The following ATP11C variants were observed in gnomAD, a reference collection of about 807,000 sequenced individuals.
ATP11C encodes phospholipid-transporting ATPase IG.
Under a neutral mutation model 97.4 loss-of-function variants are expected in ATP11C, and 36 were observed. That is an observed-to-expected ratio of 0.37 (90% CI 0.28 to 0.49). The LOEUF is 0.49. Among genes scored for constraint, ATP11C ranks in the 20% least tolerant of loss-of-function variants. The pLI is 0.98. For missense variants in ATP11C, 730 were observed against 824.6 expected, an observed-to-expected ratio of 0.89 and a Z score of 1.40; for synonymous variants, 275 against 290.9, an observed-to-expected ratio of 0.95 and a Z score of 0.56.
At chrX:139,742,872 AAAAAATATATAT>A (rs1185971792) in intron 26 of ATP11C, among the ~76,000 whole-genome samples, 2 of 24,214 alleles carry the variant, frequency 8.3e-5, no homozygotes, top group Admixed American at 1.2e-3. Flanking sequence ...ATTAAAAAAA[AAAAAATATATAT>A]ATATATATAT....
intron 11 of ATP11C, 71 bp downstream of exon 11, chrX:139,797,105 T>C (rs2082817920): frequency 6.7e-6 from 7 of 1,040,134 alleles, no homozygotes; most frequent in Non-Finnish European, 9.1e-6. Context: ...GCCGTTTCCC[T>C]GAGCAGCATT....
chrX:139,761,054 G>A (rs138746840), intron 22 of ATP11C, among the ~76,000 whole-genome samples: 1,764 of 110,741 alleles, frequency 0.016, 32 homozygotes, highest in African/African-American at 0.054. Flanking sequence ...GAGGCTGAGG[G>A]GGGCAGATCA....
chrX:139,746,195 A>G (rs2081682558), intron 24 of ATP11C, among the ~76,000 whole-genome samples: 2 of 111,990 alleles, frequency 1.8e-5, no homozygotes, highest in Admixed American at 1.9e-4. Context: ...ACATAAAAAC[A>G]TGAGATAGGT....
chrX:139,774,271 T>C (rs1342348448), intron 19 of ATP11C, among the ~76,000 whole-genome samples: 1 of 111,956 alleles, frequency 8.9e-6, no homozygotes, highest in Non-Finnish European at 1.9e-5. Flanking sequence ...TTTGGAGCTC[T>C]GGGGTATAAA....
chrX:139,860,879 C>G (rs2084179058), intron 1 of ATP11C, among the ~76,000 whole-genome samples: 1 of 112,277 alleles, frequency 8.9e-6, no homozygotes, highest in South Asian at 3.7e-4. Flanking sequence ...AACCTTGAAA[C>G]CATCACTGGT....
At chrX:139,800,024 C>A (rs747267141) in intron 8 of ATP11C, 36 bp downstream of exon 8, 7 of 529,098 alleles carry the variant, frequency 1.3e-5, no homozygotes, top group East Asian at 6.2e-5. Context: ...CCCCCCCCCC[C>A]AACCAAAGGA....
chrX:139,879,308 A>G (rs2084525930), intron 1 of ATP11C, among the ~76,000 whole-genome samples: 1 of 110,964 alleles, frequency 9.0e-6, no homozygotes, highest in South Asian at 3.8e-4. Flanking sequence ...AAAATGTGGT[A>G]TATATTACAC....
intron 12 of ATP11C, among the ~76,000 whole-genome samples, chrX:139,793,152 A>G (rs941500598): frequency 8.9e-6 from 1 of 112,001 alleles, no homozygotes; most frequent in Non-Finnish European, 1.9e-5. Context: ...ATTTGGACAC[A>G]GAAGTCTCTG....
At chrX:139,907,810 A>C (rs1048199493) in intron 1 of ATP11C, among the ~76,000 whole-genome samples, 15 of 110,392 alleles carry the variant, frequency 1.4e-4, no homozygotes, top group Admixed American at 6.8e-4. Context: ...TACACGCCAG[A>C]GAACCAAACG....
intron 1 of ATP11C, among the ~76,000 whole-genome samples, chrX:139,928,470 C>CCTT (rs1443072463): frequency 9.0e-6 from 1 of 111,250 alleles, no homozygotes; most frequent in Non-Finnish European, 1.9e-5. Context: ...AAACTAAAAA[C>CCTT]CTTCTTGCTC....
intron 26 of ATP11C, among the ~76,000 whole-genome samples, chrX:139,742,461 G>C (rs1277496977): frequency 9.0e-6 from 1 of 111,387 alleles, no homozygotes; most frequent in African/African-American, 3.3e-5. Flanking sequence ...GCTCTATCTG[G>C]TATAAGAAAT....
At chrX:139,856,669 C>A (rs1041285962) in intron 1 of ATP11C, among the ~76,000 whole-genome samples, 7 of 112,099 alleles carry the variant, frequency 6.2e-5, no homozygotes, top group African/African-American at 2.3e-4. Flanking sequence ...CGGGGAATAC[C>A]AGATCAATTT....
At chrX:139,915,869 T>C (rs1398761310) in intron 1 of ATP11C, among the ~76,000 whole-genome samples, 5 of 111,482 alleles carry the variant, frequency 4.5e-5, no homozygotes, top group Admixed American at 9.6e-5. Context: ...GTTAATTCAT[T>C]AACTACATCA....
chrX:139,788,372 T>C (rs2082620547), intron 13 of ATP11C, 29 bp from the exon 14 acceptor site: 3 of 1,160,043 alleles, frequency 2.6e-6, no homozygotes, highest in African/African-American at 3.5e-5. Flanking sequence ...ATAATGATTA[T>C]TATTTTTAAT....
intron 1 of ATP11C, chrX:139,924,283 C>T (rs2085318322): frequency 2.7e-6 from 1 of 370,009 alleles, no homozygotes; most frequent in African/African-American, 2.5e-5. Context: ...ACAGTAAGTG[C>T]TTTCAATGAC....
At chrX:139,863,021 C>A (rs994556941) in intron 1 of ATP11C, among the ~76,000 whole-genome samples, 3 of 110,770 alleles carry the variant, frequency 2.7e-5, no homozygotes, top group Admixed American at 9.6e-5. Flanking sequence ...CAGAAACCCC[C>A]GAGAAGAAAA....
At chrX:139,818,985 A>G (rs912835362) in intron 3 of ATP11C, among the ~76,000 whole-genome samples, 1 of 112,026 alleles carries the variant, frequency 8.9e-6, no homozygotes, top group South Asian at 3.8e-4. Flanking sequence ...TGAAACTGGT[A>G]TGTAACAAAA....
At chrX:139,931,295 C>T (rs1163369136) in intron 1 of ATP11C, among the ~76,000 whole-genome samples, 4 of 112,250 alleles carry the variant, frequency 3.6e-5, no homozygotes, top group African/African-American at 9.7e-5. Context: ...AGTCCAGTCA[C>T]AGTCCGCCTT....
chrX:139,880,576 G>C (rs1226521700), intron 1 of ATP11C, among the ~76,000 whole-genome samples: 1 of 111,143 alleles, frequency 9.0e-6, no homozygotes, highest in Non-Finnish European at 1.9e-5. Flanking sequence ...AAATGTTTTA[G>C]TAGTAAAAGA....
Sources: gnomAD v4.1 joint callset for allele counts (sites outside exome capture counted in the v4.1 genomes callset) on GRCh38, gnomAD v4.1.1 for gene constraint, MANE v1.5 for transcripts, NCBI Gene and HGNC (gene_info 2026-07-23, HGNC 2026-07-21) for gene names.